FGF14: variants seen among roughly 807,000 people sequenced by gnomAD.
The protein encoded by FGF14 is fibroblast growth factor homologous factor 4.
In FGF14, 5 loss-of-function variants were observed where a neutral mutation model predicts 25.5. The ratio of observed to expected loss-of-function variants is 0.20; its 90% CI spans 0.10 to 0.41. The LOEUF (loss-of-function observed/expected upper bound fraction) is 0.41, where lower values mean the gene tolerates loss of function less well. FGF14 is among the 10% of genes least tolerant of loss of function. The pLI is 1.00. For missense variants in FGF14, 222 were observed against 320.1 expected, an observed-to-expected ratio of 0.69 and a Z score of 2.34; for synonymous variants, 138 against 118.3, an observed-to-expected ratio of 1.17 and a Z score of -1.08.
chr13:102,068,152 T>C (rs907755914), intron 1 of FGF14, among the ~76,000 whole-genome samples: 1 of 152,142 alleles, frequency 6.6e-6, no homozygotes, highest in African/African-American at 2.4e-5. Context: ...CTATAAGAAA[T>C]GCTAAAGGTA....
chr13:102,127,124 A>C (rs2045982374), intron 1 of FGF14, among the ~76,000 whole-genome samples: 1 of 152,166 alleles, frequency 6.6e-6, no homozygotes, highest in Admixed American at 6.5e-5. Flanking sequence ...ACATATATGT[A>C]AAAGATAATA....
intron 1 of FGF14, among the ~76,000 whole-genome samples, chr13:102,009,590 G>C (rs1200468388): frequency 6.6e-6 from 1 of 151,678 alleles, no homozygotes; most frequent in Non-Finnish European, 1.5e-5. Flanking sequence ...TCTTCAAAAA[G>C]TCTACACCAA....
chr13:102,375,978 T>C (rs1356249068), intron 1 of FGF14, among the ~76,000 whole-genome samples: 3 of 152,192 alleles, frequency 2.0e-5, no homozygotes, highest in Admixed American at 6.5e-5. Context: ...CATCTCCACA[T>C]TGACATCGAA....
At chr13:101,998,841 A>G (rs2039325953) in intron 1 of FGF14, among the ~76,000 whole-genome samples, 1 of 152,162 alleles carries the variant, frequency 6.6e-6, no homozygotes, top group Admixed American at 6.6e-5. Context: ...GGTGAAGAGT[A>G]ATACCTATCC....
intron 1 of FGF14, among the ~76,000 whole-genome samples, chr13:101,943,826 A>ATATATATAT (rs1248619839): frequency 1.0e-4 from 13 of 126,802 alleles, no homozygotes; most frequent in African/African-American, 4.1e-4. Flanking sequence ...AAAAAAAAAA[A>ATATATATAT]ATATATATAT....
At chr13:101,857,652 G>A (rs889710654) in intron 3 of FGF14, among the ~76,000 whole-genome samples, 6 of 151,934 alleles carry the variant, frequency 3.9e-5, no homozygotes, top group African/African-American at 7.2e-5. Flanking sequence ...AATGTAGTGA[G>A]CATGGAACTC....
At chr13:102,298,396 T>C (rs1474456942) in intron 1 of FGF14, among the ~76,000 whole-genome samples, 1 of 152,156 alleles carries the variant, frequency 6.6e-6, no homozygotes, top group Admixed American at 6.6e-5. Flanking sequence ...GTTCAAGGCA[T>C]GTGTGTATCA....
At chr13:102,221,985 T>A (rs1036080574) in intron 1 of FGF14, among the ~76,000 whole-genome samples, 2 of 152,092 alleles carry the variant, frequency 1.3e-5, no homozygotes, top group African/African-American at 4.8e-5. Flanking sequence ...TGATTAGGAG[T>A]CAGAAATTGT....
intron 1 of FGF14, among the ~76,000 whole-genome samples, chr13:101,964,459 G>T (rs1303738947): frequency 6.6e-6 from 1 of 152,202 alleles, no homozygotes; most frequent in Non-Finnish European, 1.5e-5. Context: ...AGAACAGCCT[G>T]CTTTGCAAGG....
At chr13:102,321,941 C>G (rs2056259487) in intron 1 of FGF14, among the ~76,000 whole-genome samples, 1 of 152,154 alleles carries the variant, frequency 6.6e-6, no homozygotes, top group East Asian at 1.9e-4. Context: ...TGGGAGCAGA[C>G]CAAATTTCCT....
At chr13:102,003,391 G>C (rs1282115991) in intron 1 of FGF14, 1 of 152,162 alleles carries the variant, frequency 6.6e-6, no homozygotes. Context: ...TCACTTGAGG[G>C]ACTGAAATAA....
intron 1 of FGF14, chr13:102,263,270 G>T (rs978142821): frequency 2.1e-5 from 7 of 331,324 alleles, no homozygotes; most frequent in African/African-American, 1.5e-4. Context: ...TTAAAAAGCA[G>T]ATTTTATAGG....
At chr13:101,830,750 G>A (rs753653769) in intron 3 of FGF14, among the ~76,000 whole-genome samples, 2 of 152,068 alleles carry the variant, frequency 1.3e-5, no homozygotes, top group Non-Finnish European at 2.9e-5. Flanking sequence ...TTTTGCAGAT[G>A]AGAAGTCTAT....
At chr13:101,867,031 G>C (rs2044744730) in intron 3 of FGF14, among the ~76,000 whole-genome samples, 1 of 152,146 alleles carries the variant, frequency 6.6e-6, no homozygotes, top group African/African-American at 2.4e-5. Flanking sequence ...GAAGGGAGAG[G>C]AGAGAACAAC....
Position 102,080,735 on chromosome 13 carries a change from T to A in FGF14, c.209-205439A>T, listed in dbSNP as rs554877829. On this transcript the variant is annotated intron_variant, in intron 1 of 4. Coordinates refer to the FGF14 transcript ENST00000376131. Reference sequence around the variant, plus strand: ...CTAATTGTCAATGTAGACAGCAGAATGAGGATTAGCTGGGCTCCAGAAGAG... The same window carrying A: ...CTAATTGTCAATGTAGACAGCAGAAAGAGGATTAGCTGGGCTCCAGAAGAG... 2.0e-5 allele frequency among the ~76,000 whole-genome samples: 3 copies of A among 152,344 alleles called. No individual in the cohort carries two copies. In the South Asian group the frequency reaches 6.2e-4, roughly 32 times the overall value.
chr13:102,014,424 A>G (rs1337590622), intron 1 of FGF14, among the ~76,000 whole-genome samples: 1 of 152,172 alleles, frequency 6.6e-6, no homozygotes, highest in Non-Finnish European at 1.5e-5. Context: ...GGAAAAAGCT[A>G]AGTATAAAAG....
rs1028919536 is a variant in FGF14, at chr13:101,718,867, G to A, written c.*3964C>T. 1 of 151,686 alleles carries A rather than the reference G, an allele frequency of 6.6e-6. No individual in the cohort carries two copies. Among genetic ancestry groups the A allele is most frequent in the African/African-American group, 2.4e-5 (1 of 41,298 alleles). 9.4% of individuals were successfully genotyped at this position (151,686 alleles called of 1,614,324 possible). ...TTGAAACCCTACTCCATATTCAAGA[G>A]AGTCAACAGGCCCTATGTCACATTG... is the stretch of plus-strand genomic sequence containing the variant. On this transcript the variant is annotated 3_prime_UTR_variant, in exon 5 of 5. Coordinates refer to ENST00000376143, the MANE Select transcript of FGF14 (RefSeq NM_004115.4).
At chr13:102,289,658 G>GCAGAT (rs1239021087) in intron 1 of FGF14, among the ~76,000 whole-genome samples, 2 of 152,146 alleles carry the variant, frequency 1.3e-5, no homozygotes, top group African/African-American at 2.4e-5. Context: ...GGTTCAGCTT[G>GCAGAT]CAGATCGTAG....
intron 3 of FGF14, among the ~76,000 whole-genome samples, chr13:101,770,517 T>A (rs893430019): frequency 6.6e-6 from 1 of 152,150 alleles, no homozygotes; most frequent in Non-Finnish European, 1.5e-5. Flanking sequence ...ATTAGTCCTA[T>A]TATCTCAGCT....
Sources: allele counts gnomAD v4.1 joint callset (sites outside exome capture counted in the v4.1 genomes callset), GRCh38; gene constraint gnomAD v4.1.1; transcripts MANE v1.5; gene names NCBI Gene and HGNC (gene_info 2026-07-23, HGNC 2026-07-21).